The following RBM26 variants were observed in gnomAD, a reference collection of about 807,000 sequenced individuals.
RBM26 encodes the protein RNA-binding protein 26.
A neutral mutation model predicts 123.6 loss-of-function variants in RBM26; 30 were observed. The ratio of observed to expected loss-of-function variants is 0.24; its 90% CI spans 0.18 to 0.33. The LOEUF (loss-of-function observed/expected upper bound fraction) is 0.33. Among genes scored for constraint, RBM26 ranks in the 10% least tolerant of loss-of-function variants. RBM26 has a pLI of 1.00. For missense variants in RBM26, 947 were observed against 1,203.6 expected (o/e 0.79, Z 3.15); for synonymous variants, 400 against 404.4 (o/e 0.99, Z 0.13).
intron 2 of RBM26, 21 bp from the exon 3 acceptor site, chr13:79,377,536 CAT>C: frequency 6.3e-7 from 1 of 1,576,350 alleles, no homozygotes; most frequent in Non-Finnish European, 8.7e-7. Flanking sequence ...AACCAAACAC[CAT>C]AGATTAAAAC....
chr13:79,360,687 G>T (rs533371787), intron 9 of RBM26, among the ~76,000 whole-genome samples: 1 of 140,578 alleles, frequency 7.1e-6, no homozygotes, highest in East Asian at 2.0e-4. Flanking sequence ...AAATATGAAT[G>T]TAATGAAAGC....
At chr13:79,364,549 T>C (rs2075055091) in intron 9 of RBM26, among the ~76,000 whole-genome samples, 1 of 152,222 alleles carries the variant, frequency 6.6e-6, no homozygotes, top group African/African-American at 2.4e-5. Flanking sequence ...CAGGAAATAT[T>C]TTCCATTATG....
At chr13:79,377,717 A>G (rs1398197295) in intron 2 of RBM26, among the ~76,000 whole-genome samples, 2 of 152,112 alleles carry the variant, frequency 1.3e-5, no homozygotes, top group Non-Finnish European at 2.9e-5. Context: ...ACCTGAGGTC[A>G]GGAGTTCAAA....
At chr13:79,369,083 G>GA (rs977351303) in intron 5 of RBM26, 93 bp from the exon 6 acceptor site, 11 of 783,984 alleles carry the variant, frequency 1.4e-5, no homozygotes, top group Admixed American at 3.4e-5. Flanking sequence ...TATAAACATA[G>GA]AAAAAAAATT....
At chr13:79,323,551 T>C (rs1162464562) in intron 20 of RBM26, among the ~76,000 whole-genome samples, 2 of 151,594 alleles carry the variant, frequency 1.3e-5, no homozygotes, top group African/African-American at 4.8e-5. Flanking sequence ...TACATAAAAA[T>C]GTATCATATT....
chr13:79,352,461 C>T (rs9530899), intron 14 of RBM26, among the ~76,000 whole-genome samples: 76,188 of 148,828 alleles, frequency 0.51, 19,593 homozygotes, highest in Middle Eastern at 0.6. Flanking sequence ...TTACTCATAC[C>T]TAAACAAAAA....
At position 79,367,406 on chromosome 13, in the gene RBM26, C is replaced by CAAAAAAAAAA. The variant is rs776345304; in HGVS notation, c.896-544_896-535dup. ...TGGGGTATAGGGGGAGACTCCATCT[C>CAAAAAAAAAA]AAAAAAAAAAAAAAAAAAAAAAAAA... On this transcript the variant is annotated intron_variant, in intron 6 of 21. Transcript: ENST00000438737. Among the ~76,000 whole-genome samples the CAAAAAAAAAA allele has an allele frequency of 2.1e-3, 82 of 39,648 alleles. 6 individuals carry two copies. Among genetic ancestry groups the CAAAAAAAAAA allele is most frequent in the Non-Finnish European group, 3.3e-3 (51 of 15,642 alleles). 26.0% of individuals were successfully genotyped at this position (39,648 alleles called of 152,430 possible). A position where few individuals can be genotyped will look rare whatever the true frequency, so the allele number is the denominator to read the frequency against.
At chr13:79,352,742 A>T (rs1170665249) in intron 14 of RBM26, among the ~76,000 whole-genome samples, 5 of 152,180 alleles carry the variant, frequency 3.3e-5, no homozygotes. Context: ...ATGAGTAAAA[A>T]GATTCAGAAA....
At chr13:79,326,761 G>T (rs906342045) in intron 20 of RBM26, among the ~76,000 whole-genome samples, 2 of 151,778 alleles carry the variant, frequency 1.3e-5, no homozygotes, top group African/African-American at 4.8e-5. Context: ...CCAATGACAG[G>T]TAATAGAGAT....
At chr13:79,337,872 G>A (rs1426034020) in intron 18 of RBM26, among the ~76,000 whole-genome samples, 1 of 152,132 alleles carries the variant, frequency 6.6e-6, no homozygotes, top group Non-Finnish European at 1.5e-5. Flanking sequence ...CTTTCTGTGT[G>A]CAAGTCTTTA....
Position 79,354,564 on chromosome 13 carries a change from G to A in RBM26, c.1861C>T (p.Gln621Ter). The stretch of plus-strand genomic sequence containing the variant: ...AAAATGGGCTGCTGGACTAAAGGCT[G>A]CATTACCTCAGAACAAGGAAAAAAT... The part of the protein sequence containing the change: ...QLQTTSPKVM[Q>*]PLVQQPILPV... Residue 621 changes from glutamine (Q) to a stop codon, truncating the protein, a stop_gained, in exon 13 of 22, where the codon CAG becomes TAG. Coordinates refer to ENST00000438737, the MANE Select transcript of RBM26 (RefSeq NM_001366735.2). LOFTEE classifies it high-confidence loss of function. 1 of 1,591,640 alleles carries A rather than the reference G, an allele frequency of 6.3e-7. No individual in the cohort carries two copies. Among genetic ancestry groups the A allele is most frequent in the South Asian group, 1.1e-5 (1 of 87,694 alleles).
intron 5 of RBM26, 138 bp from the exon 6 acceptor site, chr13:79,369,128 A>T: frequency 2.0e-6 from 1 of 508,946 alleles, no homozygotes; most frequent in Non-Finnish European, 3.2e-6. Flanking sequence ...TCTTTTAAAA[A>T]ATATTCAATT....
At chr13:79,392,750 C>T (rs2078206551) in intron 1 of RBM26, among the ~76,000 whole-genome samples, 1 of 146,668 alleles carries the variant, frequency 6.8e-6, no homozygotes, top group East Asian at 2.0e-4. Flanking sequence ...GCTTTAACTA[C>T]AAAACTGTAG....
chr13:79,390,661 T>A (rs1342933815), intron 1 of RBM26, among the ~76,000 whole-genome samples: 4 of 152,206 alleles, frequency 2.6e-5, no homozygotes, highest in Non-Finnish European at 5.9e-5. Flanking sequence ...TGCACTGACA[T>A]CTGCGATTTA....
At chr13:79,395,875 TAAATATAAAG>T (rs1223925489) in intron 1 of RBM26, among the ~76,000 whole-genome samples, 2 of 151,544 alleles carry the variant, frequency 1.3e-5, no homozygotes, top group Non-Finnish European at 2.9e-5. Context: ...TACAAGGAAC[TAAATATAAAG>T]TCTCAGAAAA....
intron 14 of RBM26, among the ~76,000 whole-genome samples, chr13:79,347,824 A>G (rs948962754): frequency 6.6e-6 from 1 of 152,050 alleles, no homozygotes; most frequent in Admixed American, 6.6e-5. Context: ...AATAAAAGTG[A>G]TGCAAATGGA....
intron 1 of RBM26, among the ~76,000 whole-genome samples, chr13:79,387,928 T>C (rs1359844444): frequency 1.3e-5 from 2 of 152,222 alleles, no homozygotes; most frequent in Non-Finnish European, 2.9e-5. Flanking sequence ...ACTGGTATGT[T>C]TGACTGTTTC....
chr13:79,386,496 G>T (rs546031131), intron 1 of RBM26, among the ~76,000 whole-genome samples: 3 of 146,054 alleles, frequency 2.1e-5, no homozygotes, highest in African/African-American at 7.5e-5. Flanking sequence ...AGTTTGTACT[G>T]TTCAGTGCAA....
At chr13:79,356,668 A>G (rs1254739986) in intron 11 of RBM26, among the ~76,000 whole-genome samples, 1 of 152,172 alleles carries the variant, frequency 6.6e-6, no homozygotes, top group East Asian at 1.9e-4. Context: ...CTTTATAAAC[A>G]TCAATTTCAT....
Sources: gnomAD v4.1 joint callset for allele counts (sites outside exome capture counted in the v4.1 genomes callset) on GRCh38, gnomAD v4.1.1 for gene constraint, MANE v1.5 for transcripts, NCBI Gene and HGNC (gene_info 2026-07-23, HGNC 2026-07-21) for gene names.